Variants in MACROD2 observed in about 807,000 individuals in gnomAD.
The protein encoded by MACROD2 is ADP-ribose glycohydrolase MACROD2.
MACROD2 carries 36 observed loss-of-function variants against 70.4 expected under a neutral mutation model. The ratio of observed to expected loss-of-function variants is 0.51; its 90% CI spans 0.39 to 0.68. The LOEUF is 0.68. MACROD2 is among the 30% of genes least tolerant of loss of function. MACROD2 has a pLI of 0.00. For missense variants in MACROD2, 496 were observed against 538.4 expected (o/e 0.92, Z 0.78); for synonymous variants, 172 against 178.8 (o/e 0.96, Z 0.30).
At chr20:14,263,524 C>T (rs2082117828) in intron 3 of MACROD2, among the ~76,000 whole-genome samples, 1 of 152,104 alleles carries the variant, frequency 6.6e-6, no homozygotes, top group Non-Finnish European at 1.5e-5. Context: ...TGGTGCCCCC[C>T]AGACATCCAG....
intron 3 of MACROD2, among the ~76,000 whole-genome samples, chr20:14,320,577 G>C (rs2082649811): frequency 1.3e-5 from 2 of 151,768 alleles, no homozygotes; most frequent in South Asian, 4.2e-4. Flanking sequence ...CTCCTTCATG[G>C]ACCCTGTATT....
intron 8 of MACROD2, among the ~76,000 whole-genome samples, chr20:15,517,881 G>A (rs537666600): frequency 1.3e-3 from 204 of 152,336 alleles, no homozygotes; most frequent in Admixed American, 2.2e-3. Flanking sequence ...TCTGGAAAAT[G>A]CTAATGGAGC....
chr20:15,310,837 A>T (rs1283758514), intron 6 of MACROD2, among the ~76,000 whole-genome samples: 1 of 152,176 alleles, frequency 6.6e-6, no homozygotes, highest in Non-Finnish European at 1.5e-5. Context: ...CCAAACAGGA[A>T]GATCAACTAT....
chr20:15,411,932 G>A (rs1337060782), intron 6 of MACROD2, among the ~76,000 whole-genome samples: 1 of 152,192 alleles, frequency 6.6e-6, no homozygotes, highest in African/African-American at 2.4e-5. Context: ...TTGGATGGAA[G>A]TGCCTCTGAT....
chr20:14,889,028 C>T (rs2122499345), intron 5 of MACROD2, among the ~76,000 whole-genome samples: 1 of 152,240 alleles, frequency 6.6e-6, no homozygotes, highest in Admixed American at 6.5e-5. Context: ...CATGTGTTTG[C>T]ATGTGTAAAC....
intron 4 of MACROD2, among the ~76,000 whole-genome samples, chr20:14,589,050 T>C (rs1981582476): frequency 6.6e-6 from 1 of 152,214 alleles, no homozygotes; most frequent in Admixed American, 6.5e-5. Flanking sequence ...TGTATGACTT[T>C]CTGTTTCTGT....
rs567858724 is a variant in MACROD2 at position 14,679,304 on chromosome 20, C to T, written c.302-5539C>T. ...GAAAAATGGGAAAGACCTCGCTAGG[C>T]AGAAAAGGAGAGGGAATAGAAAGCC... On this transcript the variant is annotated intron_variant, in intron 4 of 17. Transcript: ENST00000684519. Among the ~76,000 whole-genome samples the T allele has an allele frequency of 1.1e-4, 17 of 152,136 alleles. 1 individual carries two copies. Among genetic ancestry groups the T allele is most frequent in the Admixed American group, 3.3e-4 (5 of 15,270 alleles).
chr20:14,277,400 G>A (rs1288959119), intron 3 of MACROD2, among the ~76,000 whole-genome samples: 1 of 152,130 alleles, frequency 6.6e-6, no homozygotes, highest in Non-Finnish European at 1.5e-5. Context: ...CAGTGATCAC[G>A]CCACTGCACT....
intron 2 of MACROD2, among the ~76,000 whole-genome samples, chr20:14,017,956 C>G (rs1180201276): frequency 6.6e-6 from 1 of 152,104 alleles, no homozygotes; most frequent in Non-Finnish European, 1.5e-5. Context: ...CTTTTGGTTA[C>G]TTATTCAGTC....
chr20:15,519,059 C>T (rs934852065), intron 8 of MACROD2, among the ~76,000 whole-genome samples: 35 of 33,680 alleles, frequency 1.0e-3, no homozygotes, highest in African/African-American at 8.6e-3. Flanking sequence ...TCGCTCTTTC[C>T]TTCCTTCCTT....
chr20:15,887,056 A>T (rs175789), intron 10 of MACROD2, among the ~76,000 whole-genome samples: 2,016 of 152,162 alleles, frequency 0.013, 37 homozygotes, highest in African/African-American at 0.041. Context: ...TTCTCATTTG[A>T]TGCCAGAATT....
At position 14,222,813 on chromosome 20, in the gene MACROD2, GAAAAA is replaced by G. The variant is rs199573606; in HGVS notation, c.271+137110_271+137114del. ...TTCACAGTTCAACCTTTGGATTTCT[GAAAAA>G]AAAAAAAAAAAAAAAAAAAAAAAAG... is the stretch of plus-strand genomic sequence containing the variant. On this transcript the variant is annotated intron_variant, in intron 3 of 17. Transcript: ENST00000684519. Among the ~76,000 whole-genome samples, 383 of 132,926 alleles carry G rather than the reference GAAAAA, an allele frequency of 2.9e-3. 11 individuals carry two copies. The highest frequency in any genetic ancestry group is 8.9e-3 in the African/African-American group (309 of 34,774). The allele number at this position is 132,926 out of a possible 152,430, so 87.2% of individuals were successfully genotyped here.
intron 3 of MACROD2, among the ~76,000 whole-genome samples, chr20:14,320,663 A>ATTT (rs11087086): frequency 2.4e-5 from 3 of 123,660 alleles, no homozygotes; most frequent in East Asian, 2.7e-4. Context: ...CACCTTTGGA[A>ATTT]TTTTTTTTTT....
At chr20:14,072,921 G>A (rs1333709024) in intron 2 of MACROD2, among the ~76,000 whole-genome samples, 2 of 145,682 alleles carry the variant, frequency 1.4e-5, no homozygotes, top group Admixed American at 1.4e-4. Flanking sequence ...GCGACAGAGC[G>A]AGACTCCGTC....
At chr20:14,758,960 A>G (rs2123749269) in intron 5 of MACROD2, among the ~76,000 whole-genome samples, 1 of 152,200 alleles carries the variant, frequency 6.6e-6, no homozygotes, top group Non-Finnish European at 1.5e-5. Context: ...CTCTGTATGA[A>G]TCCACCTATG....
At chr20:15,294,482 C>T (rs1600209508) in intron 6 of MACROD2, among the ~76,000 whole-genome samples, 1 of 152,224 alleles carries the variant, frequency 6.6e-6, no homozygotes. Flanking sequence ...CATGTATGTG[C>T]AAGCTTTCTC....
chr20:14,323,124 TA>T (rs1319086176), intron 3 of MACROD2: 1 of 152,188 alleles, frequency 6.6e-6, no homozygotes, highest in Non-Finnish European at 1.5e-5. Flanking sequence ...CAATTCAGTT[TA>T]ATCCCAACAC....
chr20:14,758,335 C>G (rs1424253012), intron 5 of MACROD2, among the ~76,000 whole-genome samples: 1 of 152,028 alleles, frequency 6.6e-6, no homozygotes, highest in African/African-American at 2.4e-5. Flanking sequence ...TTCTGGAAAG[C>G]AGAAGTAATC....
At chr20:16,003,138 C>T (rs1429452256) in intron 15 of MACROD2, among the ~76,000 whole-genome samples, 2 of 148,760 alleles carry the variant, frequency 1.3e-5, no homozygotes, top group Non-Finnish European at 3.0e-5. Context: ...TCTCTACCCT[C>T]AAGGGGAAGC....
Sources: allele counts gnomAD v4.1 joint callset (sites outside exome capture counted in the v4.1 genomes callset), GRCh38; gene constraint gnomAD v4.1.1; transcripts MANE v1.5; gene names NCBI Gene and HGNC (gene_info 2026-07-23, HGNC 2026-07-21).